Variants in SPSB1 observed in about 807,000 individuals in gnomAD.
SPSB1 encodes the protein splA/ryanodine receptor domain and SOCS box containing 1.
A neutral mutation model predicts 21.2 loss-of-function variants in SPSB1; 8 were observed. The observed-to-expected ratio is 0.38, with a 90% CI of 0.22 to 0.68. The LOEUF (loss-of-function observed/expected upper bound fraction) is 0.68. SPSB1 is among the 30% of genes least tolerant of loss of function. SPSB1 has a pLI of 0.53. For synonymous variants in SPSB1, 169 were observed against 161.7 expected, an observed-to-expected ratio of 1.05 and a Z score of -0.34; for missense variants, 242 against 377.8, an observed-to-expected ratio of 0.64 and a Z score of 2.98.
intron 1 of SPSB1, among the ~76,000 whole-genome samples, chr1:9,330,748 T>G (rs1639903999): frequency 6.6e-6 from 1 of 151,980 alleles, no homozygotes; most frequent in Admixed American, 6.6e-5. Flanking sequence ...AACCTAAAAT[T>G]TACCATCTTA....
intron 1 of SPSB1, among the ~76,000 whole-genome samples, chr1:9,310,909 CCGTAATATATAAATTATA>C (rs1639507666): frequency 6.6e-6 from 1 of 152,130 alleles, no homozygotes; most frequent in Non-Finnish European, 1.5e-5. Context: ...TATTCCAATT[CCGTAATATATAAATTATA>C]CGTACATGTC....
chr1:9,329,148 C>G (rs990960386), intron 1 of SPSB1, among the ~76,000 whole-genome samples: 1 of 152,092 alleles, frequency 6.6e-6, no homozygotes, highest in African/African-American at 2.4e-5. Context: ...TTGAAGACAC[C>G]TAAGGGCAGT....
At chr1:9,302,627 CTT>C (rs1639353009) in intron 1 of SPSB1, among the ~76,000 whole-genome samples, 2 of 152,160 alleles carry the variant, frequency 1.3e-5, no homozygotes, top group African/African-American at 4.8e-5. Flanking sequence ...TCTCCGGAGT[CTT>C]TGACCTGGGA....
chr1:9,325,336 T>A (rs1303199409), intron 1 of SPSB1, among the ~76,000 whole-genome samples: 1 of 151,900 alleles, frequency 6.6e-6, no homozygotes, highest in Non-Finnish European at 1.5e-5. Context: ...GGGATTGAGC[T>A]CTTGCCACCT....
intron 2 of SPSB1, among the ~76,000 whole-genome samples, chr1:9,358,896 C>A (rs1232938637): frequency 6.6e-6 from 1 of 152,198 alleles, no homozygotes; most frequent in African/African-American, 2.4e-5. Flanking sequence ...TCCGCCCACC[C>A]AGTCCTGGAG....
intron 2 of SPSB1, among the ~76,000 whole-genome samples, chr1:9,365,251 G>A (rs770525035): frequency 6.6e-6 from 1 of 152,116 alleles, no homozygotes; most frequent in Non-Finnish European, 1.5e-5. Flanking sequence ...GGGCCCAACC[G>A]ATCCTCTCGC....
intron 1 of SPSB1, among the ~76,000 whole-genome samples, chr1:9,323,953 G>T (rs961384911): frequency 6.6e-6 from 1 of 152,164 alleles, no homozygotes; most frequent in African/African-American, 2.4e-5. Context: ...GCAGGAAGGA[G>T]AGCCAGGGTG....
chr1:9,363,028 C>A lies in SPSB1; in HGVS notation c.695-4420C>A, dbSNP rs867414989. Among the ~76,000 whole-genome samples the A allele has an allele frequency of 2.0e-5, 3 of 152,214 alleles. No homozygotes were observed. The highest frequency in any genetic ancestry group is 1.5e-5 in the Non-Finnish European group (1 of 68,042). On this transcript the variant is annotated intron_variant, in intron 2 of 2. Coordinates refer to ENST00000328089, the MANE Select transcript of SPSB1 (RefSeq NM_025106.4). The surrounding 1 kb of genome is among the most constrained non-coding windows in gnomAD (Gnocchi z 4.5). Reference sequence around the variant, plus strand: ...TGGCTGGAGCTGGGTGCAAAGCTGGCAGCCCCCAGTCAAGAGTGTGGAGGT... The same window carrying A: ...TGGCTGGAGCTGGGTGCAAAGCTGGAAGCCCCCAGTCAAGAGTGTGGAGGT...
rs1432533385 is a variant in SPSB1 at position 9,346,664 on chromosome 1, C to T, written c.-149-9079C>T. Among the ~76,000 whole-genome samples the T allele has an allele frequency of 1.3e-5, 2 of 152,190 alleles. No homozygotes were observed. The highest frequency in any genetic ancestry group is 2.4e-5 in the African/African-American group (1 of 41,438). On this transcript the variant is annotated intron_variant, in intron 1 of 2. Transcript: ENST00000328089. This position sits in a 1 kb window ranked among gnomAD's most constrained non-coding sequence, Gnocchi z 4.4. ...GCTGTGCAGTCTGGCCTGTCTCAGC[C>T]TCCCCCAGGGTCTGCTCTCAGTGCC...
chr1:9,350,475 G>A (rs74051637), intron 1 of SPSB1, among the ~76,000 whole-genome samples: 108 of 152,356 alleles, frequency 7.1e-4, no homozygotes, highest in African/African-American at 2.4e-3. Flanking sequence ...GAGAGCAGGC[G>A]CCGCCGGCCA....
chr1:9,336,987 C>T (rs561497448), intron 1 of SPSB1, among the ~76,000 whole-genome samples: 8 of 152,112 alleles, frequency 5.3e-5, no homozygotes, highest in South Asian at 2.1e-4. Context: ...GACTCCCTAT[C>T]GTGGCATTCA....
chr1:9,335,244 G>C (rs1427468440), intron 1 of SPSB1, among the ~76,000 whole-genome samples: 1 of 152,216 alleles, frequency 6.6e-6, no homozygotes, highest in African/African-American at 2.4e-5. Flanking sequence ...GCTCACGCCT[G>C]TAATTCTTGC....
Position 9,356,517 on chromosome 1 carries a change from T to C in SPSB1, c.626T>C (p.Leu209Pro). 3 of 1,613,508 alleles carry C rather than the reference T, an allele frequency of 1.9e-6. No homozygotes were observed. The highest frequency in any genetic ancestry group is 2.5e-6 in the Non-Finnish European group (3 of 1,179,672). The change falls in exon 2 of 3, where the codon CTG (leucine) becomes CCG (proline). Residue 209 changes from leucine to proline, a missense_variant. Transcript: ENST00000328089. The surrounding 1 kb of genome is among the most constrained non-coding windows in gnomAD (Gnocchi z 7.4). ...VAFRGLKGKK[L>P]YPVVSAVWGH... The stretch of plus-strand genomic sequence containing the variant: ...TTTCGGGGACTCAAGGGCAAAAAAC[T>C]GTATCCTGTAGTGAGTGCCGTCTGG...
Position 9,293,490 on chromosome 1 carries a change from GT to G in SPSB1, c.-150+422del, listed in dbSNP as rs969959918. 2.4e-4 allele frequency among the ~76,000 whole-genome samples: 37 copies of G among 151,826 alleles called. No homozygotes were observed. The highest frequency in any genetic ancestry group is 8.2e-4 in the African/African-American group (34 of 41,382). ...AGCGGGACCCCGCTCGGCTGAGTTA[GT>G]TTCGCTTTTCCCGCCAGTCCGAGTC... On this transcript the variant is annotated intron_variant, in intron 1 of 2. Transcript: ENST00000328089. The surrounding 1 kb of genome is among the most constrained non-coding windows in gnomAD (Gnocchi z 5.1).
At chr1:9,347,063 A>G (rs1253534239) in intron 1 of SPSB1, among the ~76,000 whole-genome samples, 2 of 152,226 alleles carry the variant, frequency 1.3e-5, no homozygotes, top group African/African-American at 2.4e-5. Flanking sequence ...CACACCTGTT[A>G]TCCGAGCACT....
At chr1:9,331,543 G>A (rs920319217) in intron 1 of SPSB1, among the ~76,000 whole-genome samples, 1 of 152,044 alleles carries the variant, frequency 6.6e-6, no homozygotes, top group African/African-American at 2.4e-5. Flanking sequence ...TGTTGACCAG[G>A]CTGGTCTTGA....
chr1:9,358,332 G>T (rs1040450048), intron 2 of SPSB1, among the ~76,000 whole-genome samples: 2 of 152,166 alleles, frequency 1.3e-5, no homozygotes, highest in East Asian at 1.9e-4. Context: ...CTTGGTCCTC[G>T]TCTGTGCAGC....
intron 1 of SPSB1, among the ~76,000 whole-genome samples, chr1:9,331,411 A>G (rs956766647): frequency 1.5e-5 from 2 of 137,700 alleles, no homozygotes; most frequent in Non-Finnish European, 3.0e-5. Context: ...GCTCACTGTA[A>G]CCTCTGCCTC....
At chr1:9,298,687 A>G (rs900850200) in intron 1 of SPSB1, among the ~76,000 whole-genome samples, 1 of 152,196 alleles carries the variant, frequency 6.6e-6, no homozygotes, top group Non-Finnish European at 1.5e-5. Context: ...ACTGTGGCCC[A>G]CTAGTCAGAG....
Sources: allele counts gnomAD v4.1 joint callset (sites outside exome capture counted in the v4.1 genomes callset), GRCh38; gene constraint gnomAD v4.1.1; non-coding constraint Gnocchi (gnomAD v3.1); transcripts MANE v1.5; gene names NCBI Gene and HGNC (gene_info 2026-07-23, HGNC 2026-07-21).